Variants in SPIRE1 observed in about 807,000 individuals in gnomAD.
SPIRE1 encodes the protein spire type actin nucleation factor 1, also known as protein spire homolog 1.
Under a neutral mutation model 94.1 loss-of-function variants are expected in SPIRE1, and 40 were observed. The observed-to-expected ratio is 0.43, with a 90% CI of 0.33 to 0.55. The LOEUF (loss-of-function observed/expected upper bound fraction) is 0.55, where lower values mean the gene tolerates loss of function less well. Ranked by LOEUF, SPIRE1 falls within the 20% of genes least tolerant of loss-of-function variation. SPIRE1 has a pLI of 0.06. For missense variants in SPIRE1, 838 were observed against 975.2 expected, an observed-to-expected ratio of 0.86 and a Z score of 1.87; for synonymous variants, 376 against 371.7, an observed-to-expected ratio of 1.01 and a Z score of -0.13.
At chr18:12,648,890 CAAAA>C (rs56696562) in intron 1 of SPIRE1, among the ~76,000 whole-genome samples, 1 of 85,516 alleles carries the variant, frequency 1.2e-5, no homozygotes, top group Non-Finnish European at 2.2e-5. Context: ...AACTCCGTCT[CAAAA>C]AAAAAAAAAA....
chr18:12,557,345 G>A (rs555135404), intron 2 of SPIRE1, among the ~76,000 whole-genome samples: 38 of 152,306 alleles, frequency 2.5e-4, no homozygotes, highest in Admixed American at 2.3e-3. Flanking sequence ...CAGGCAGGCC[G>A]ACAGTGCTGG....
At chr18:12,538,310 G>A (rs1415190683) in intron 3 of SPIRE1, among the ~76,000 whole-genome samples, 1 of 152,134 alleles carries the variant, frequency 6.6e-6, no homozygotes, top group Admixed American at 6.5e-5. Flanking sequence ...CAGGGGTTAG[G>A]GGGACAAAAT....
intron 10 of SPIRE1, among the ~76,000 whole-genome samples, chr18:12,471,103 T>TTA (rs1178780250): frequency 1.0e-5 from 1 of 96,960 alleles, no homozygotes; most frequent in African/African-American, 3.5e-5. Flanking sequence ...CATCTTTCAG[T>TTA]AAAAAAAAAA....
At position 12,514,174 on chromosome 18, in the gene SPIRE1, T is replaced by C. The variant is rs148892191; in HGVS notation, c.730-1643A>G. Reference sequence around the variant, plus strand: ...ACTATTTCTTCCCACTCCAGCCTTATGGTATGCACACTGGCTGCCACCTTC... The same window carrying C: ...ACTATTTCTTCCCACTCCAGCCTTACGGTATGCACACTGGCTGCCACCTTC... On this transcript the variant is annotated intron_variant, in intron 4 of 16. Coordinates refer to ENST00000409402, the MANE Select transcript of SPIRE1 (RefSeq NM_001128626.2). 5.8e-4 allele frequency among the ~76,000 whole-genome samples: 89 copies of C among 152,318 alleles called. 1 individual carries two copies. The highest frequency in any genetic ancestry group is 1.8e-3 in the African/African-American group (75 of 41,572).
chr18:12,502,854 T>A (rs947861319), intron 6 of SPIRE1, among the ~76,000 whole-genome samples: 2 of 152,104 alleles, frequency 1.3e-5, no homozygotes, highest in East Asian at 1.9e-4. Flanking sequence ...ATGCTTGTAA[T>A]CCCAGCAGTT....
chr18:12,642,332 A>G (rs2038109413), intron 1 of SPIRE1, among the ~76,000 whole-genome samples: 1 of 152,146 alleles, frequency 6.6e-6, no homozygotes, highest in Non-Finnish European at 1.5e-5. Context: ...ATCCTAATTC[A>G]GAAATGGAAG....
At position 12,657,713 on chromosome 18, in the gene SPIRE1, G is replaced by C; in HGVS notation, c.154C>G (p.Pro52Ala). ...LEEILRLYNQ[P>A]INEEQAWAVC... Reference sequence around the variant, plus strand: ...GCCCACGCCTGCTCCTCGTTGATGGGCTGGTTGTACAGCCGCAGGATCTCC... The same window carrying C: ...GCCCACGCCTGCTCCTCGTTGATGGCCTGGTTGTACAGCCGCAGGATCTCC... The change falls in exon 1 of 17, where the codon CCC (proline) becomes GCC (alanine). Residue 52 changes from proline (P) to alanine (A), a missense_variant. Transcript: ENST00000409402. 7.1e-7 allele frequency: 1 copy of C among 1,406,302 alleles called. No individual in the cohort carries two copies. The highest frequency in any genetic ancestry group is 1.5e-5 in the South Asian group (1 of 68,688). The allele number at this position is 1,406,302 out of a possible 1,614,324, so 87.1% of individuals were successfully genotyped here. A position where few individuals can be genotyped will look rare whatever the true frequency, so the allele number is the denominator to read the frequency against.
At chr18:12,547,439 A>G (rs2035205973) in intron 2 of SPIRE1, among the ~76,000 whole-genome samples, 1 of 152,136 alleles carries the variant, frequency 6.6e-6, no homozygotes, top group Non-Finnish European at 1.5e-5. Context: ...ACCTCCATCA[A>G]TATTACTGCC....
intron 8 of SPIRE1, among the ~76,000 whole-genome samples, chr18:12,492,606 AAATAT>A (rs1390871812): frequency 6.6e-6 from 1 of 152,216 alleles, no homozygotes; most frequent in East Asian, 1.9e-4. Flanking sequence ...TATATTTTTA[AAATAT>A]AATACGTTAT....
At chr18:12,584,408 C>A (rs544410960) in intron 2 of SPIRE1, among the ~76,000 whole-genome samples, 7 of 149,442 alleles carry the variant, frequency 4.7e-5, no homozygotes, top group Non-Finnish European at 8.9e-5. Flanking sequence ...CCAGCCTGGG[C>A]AACAGAGCAA....
At chr18:12,654,920 C>T (rs557742398) in intron 1 of SPIRE1, among the ~76,000 whole-genome samples, 4 of 151,358 alleles carry the variant, frequency 2.6e-5, no homozygotes, top group South Asian at 2.1e-4. Flanking sequence ...CCCAGCTGCT[C>T]GGGAGGCTGA....
chr18:12,559,869 A>G lies in SPIRE1; in HGVS notation c.373-12965T>C, dbSNP rs996272646. On this transcript the variant is annotated intron_variant, in intron 2 of 16. Transcript: ENST00000409402. This position sits in a 1 kb window ranked among gnomAD's most constrained non-coding sequence, Gnocchi z 4.7. ...CATCTGACAAGGGGTAATAACCACA[A>G]TATATAAGGACCTCAAACAATTCTA... is the stretch of plus-strand genomic sequence containing the variant. Among the ~76,000 whole-genome samples the G allele has an allele frequency of 3.9e-5, 6 of 152,240 alleles. No individual in the cohort carries two copies. Among genetic ancestry groups the G allele is most frequent in the East Asian group, 1.9e-4 (1 of 5,196 alleles).
chr18:12,514,287 G>T (rs2034129476), intron 4 of SPIRE1, among the ~76,000 whole-genome samples: 1 of 152,062 alleles, frequency 6.6e-6, no homozygotes, highest in African/African-American at 2.4e-5. Context: ...TCTCAACGGG[G>T]TCTATCTTGA....
At chr18:12,568,015 G>A (rs2035861529) in intron 2 of SPIRE1, among the ~76,000 whole-genome samples, 1 of 152,176 alleles carries the variant, frequency 6.6e-6, no homozygotes, top group Admixed American at 6.5e-5. Flanking sequence ...GTGACTGAGT[G>A]CCACCATTTG....
At chr18:12,459,655 C>G in intron 12 of SPIRE1, 2 of 649,894 alleles carry the variant, frequency 3.1e-6, no homozygotes, top group Non-Finnish European at 3.8e-6. Flanking sequence ...AAGCAAAGTG[C>G]TATCTAAGCG....
At chr18:12,568,950 C>A (rs955278562) in intron 2 of SPIRE1, among the ~76,000 whole-genome samples, 1 of 152,214 alleles carries the variant, frequency 6.6e-6, no homozygotes, top group Non-Finnish European at 1.5e-5. Context: ...GGATAAACTA[C>A]ATCTGGTCTG....
At chr18:12,510,966 C>T (rs1370335282) in intron 5 of SPIRE1, among the ~76,000 whole-genome samples, 2 of 152,262 alleles carry the variant, frequency 1.3e-5, no homozygotes, top group East Asian at 3.9e-4. Flanking sequence ...AGTACTATGC[C>T]TGAAAAACTG....
intron 2 of SPIRE1, among the ~76,000 whole-genome samples, chr18:12,550,295 A>G (rs981655537): frequency 1.3e-5 from 2 of 152,240 alleles, no homozygotes; most frequent in Admixed American, 1.3e-4. Context: ...GGCCTGGAAG[A>G]TGAAGATGAA....
At chr18:12,477,975 G>C (rs1029404454) in intron 10 of SPIRE1, among the ~76,000 whole-genome samples, 6 of 152,122 alleles carry the variant, frequency 3.9e-5, no homozygotes, top group African/African-American at 1.4e-4. Context: ...AAAGAGCGGT[G>C]AGTGCAAGAC....
Sources: allele counts gnomAD v4.1 joint callset (sites outside exome capture counted in the v4.1 genomes callset), GRCh38; gene constraint gnomAD v4.1.1; non-coding constraint Gnocchi (gnomAD v3.1); transcripts MANE v1.5; gene names NCBI Gene and HGNC (gene_info 2026-07-23, HGNC 2026-07-21).